Variants in EPDR1 observed in about 807,000 individuals in gnomAD.
The protein encoded by EPDR1 is ependymin related 1, also known as mammalian ependymin-related protein 1.
Under a neutral mutation model 23.7 loss-of-function variants are expected in EPDR1, and 27 were observed. That is an observed-to-expected ratio of 1.14 (90% CI 0.84 to 1.57). The LOEUF is 1.57. Ranked by LOEUF, EPDR1 falls within the 40% of genes most tolerant of loss-of-function variation. The pLI is 0.00. For missense variants in EPDR1, 349 were observed against 290.4 expected (o/e 1.20, Z -1.47); for synonymous variants, 137 against 118.2 (o/e 1.16, Z -1.03).
At chr7:37,940,149 T>C (rs1786141098) in intron 1 of EPDR1, among the ~76,000 whole-genome samples, 1 of 152,144 alleles carries the variant, frequency 6.6e-6, no homozygotes, top group South Asian at 2.1e-4. Flanking sequence ...GAAAGCAAGA[T>C]GCAGAAAGGT....
chr7:37,936,654 T>C (rs1786059571), intron 1 of EPDR1, among the ~76,000 whole-genome samples: 1 of 152,106 alleles, frequency 6.6e-6, no homozygotes, highest in South Asian at 2.1e-4. Context: ...TCAATAGTCT[T>C]CATATATACA....
chr7:37,935,025 A>G (rs1429698331), intron 1 of EPDR1, among the ~76,000 whole-genome samples: 1 of 152,250 alleles, frequency 6.6e-6, no homozygotes. Context: ...TAGCATTTAC[A>G]TTGTATAAAG....
At chr7:37,939,165 G>C (rs1786117893) in intron 1 of EPDR1, among the ~76,000 whole-genome samples, 2 of 151,952 alleles carry the variant, frequency 1.3e-5, no homozygotes, top group African/African-American at 2.4e-5. Flanking sequence ...ATTTTTAGTA[G>C]AGACGGGGTT....
At chr7:37,923,560 C>T (rs150964851) in intron 1 of EPDR1, among the ~76,000 whole-genome samples, 11 of 151,996 alleles carry the variant, frequency 7.2e-5, no homozygotes, top group East Asian at 3.9e-4. Context: ...ACAGTAGTGG[C>T]GCATTGATGA....
intron 1 of EPDR1, among the ~76,000 whole-genome samples, chr7:37,942,941 C>A (rs547864742): frequency 6.6e-6 from 1 of 152,322 alleles, no homozygotes; most frequent in Admixed American, 6.5e-5. Context: ...CAACAAAAAT[C>A]CTTTGTCCCA....
chr7:37,939,670 T>A (rs895040419), intron 1 of EPDR1, among the ~76,000 whole-genome samples: 6 of 152,204 alleles, frequency 3.9e-5, no homozygotes, highest in Non-Finnish European at 8.8e-5. Context: ...TAATACACAT[T>A]TTCCGTGAAC....
chr7:37,947,179 T>C (rs1786293698), intron 1 of EPDR1, among the ~76,000 whole-genome samples: 1 of 152,232 alleles, frequency 6.6e-6, no homozygotes, highest in African/African-American at 2.4e-5. Flanking sequence ...TACCATTTTT[T>C]ATATTTTATC....
chr7:37,929,732 A>C (rs533004956), intron 1 of EPDR1, among the ~76,000 whole-genome samples: 1 of 152,254 alleles, frequency 6.6e-6, no homozygotes, highest in East Asian at 1.9e-4. Flanking sequence ...AGTGTTTTGA[A>C]AAGTTTTCCA....
At chr7:37,947,932 G>C (rs1583672550) in intron 1 of EPDR1, among the ~76,000 whole-genome samples, 1 of 152,236 alleles carries the variant, frequency 6.6e-6, no homozygotes, top group South Asian at 2.1e-4. Context: ...ACTCAGCTAA[G>C]GGAGTCATTT....
Position 37,921,066 on chromosome 7 carries a change from CA to C in EPDR1, c.128del (p.Gln43ArgfsTer43). 6.4e-7 allele frequency: 1 copy of C among 1,560,170 alleles called. No homozygotes were observed. On this transcript the variant is annotated frameshift_variant, in exon 1 of 3. Transcript: ENST00000199448. LOFTEE classifies it high-confidence loss of function. ...LGAVGAPRPC[Q>X]APQQWEGRQV... is the part of the protein sequence containing the mutation. ...GGCGGTGGGAGCCCCGCGCCCGTGC[CA>C]GGCGCCGCAGCAGTGGGAGGGGCGC...
At chr7:37,929,897 T>C (rs943372740) in intron 1 of EPDR1, among the ~76,000 whole-genome samples, 1 of 152,208 alleles carries the variant, frequency 6.6e-6, no homozygotes, top group Non-Finnish European at 1.5e-5. Context: ...TTTCACCCAA[T>C]GTGGGCATTT....
chr7:37,923,590 A>G (rs890629698), intron 1 of EPDR1, among the ~76,000 whole-genome samples: 7 of 152,132 alleles, frequency 4.6e-5, no homozygotes, highest in Non-Finnish European at 1.0e-4. Context: ...TTGAAGATGG[A>G]CTGGGATGGC....
At chr7:37,933,976 CTTTTT>C (rs576903776) in intron 1 of EPDR1, among the ~76,000 whole-genome samples, 1 of 133,370 alleles carries the variant, frequency 7.5e-6, no homozygotes, top group Non-Finnish European at 1.6e-5. Flanking sequence ...TTCTGCCATT[CTTTTT>C]TTTTTTTTTT....
chr7:37,928,376 C>A (rs933898168), intron 1 of EPDR1, among the ~76,000 whole-genome samples: 33 of 148,992 alleles, frequency 2.2e-4, no homozygotes, highest in African/African-American at 8.2e-4. Context: ...TTAACATTTT[C>A]TTTTATTTTA....
intron 1 of EPDR1, among the ~76,000 whole-genome samples, chr7:37,929,870 A>G (rs928730609): frequency 1.3e-5 from 2 of 152,134 alleles, no homozygotes; most frequent in African/African-American, 2.4e-5. Context: ...TTGTGCCTCA[A>G]TTTCAATTTT....
chr7:37,940,829 T>C (rs887238088), intron 1 of EPDR1, among the ~76,000 whole-genome samples: 4 of 152,046 alleles, frequency 2.6e-5, no homozygotes, highest in African/African-American at 9.7e-5. Context: ...TCTGACCACT[T>C]GAAAAGCATT....
At chr7:37,939,711 C>T (rs1464366855) in intron 1 of EPDR1, among the ~76,000 whole-genome samples, 27 of 152,156 alleles carry the variant, frequency 1.8e-4, no homozygotes, top group Non-Finnish European at 7.4e-5. Flanking sequence ...GGATGTTATA[C>T]TTACTAAAAA....
chr7:37,945,225 T>G (rs1298268908), intron 1 of EPDR1, among the ~76,000 whole-genome samples: 1 of 152,222 alleles, frequency 6.6e-6, no homozygotes, highest in Non-Finnish European at 1.5e-5. Flanking sequence ...ACCCAAACTT[T>G]TTCAAAGGGC....
intron 1 of EPDR1, among the ~76,000 whole-genome samples, chr7:37,934,016 A>T (rs553987723): frequency 7.1e-6 from 1 of 140,980 alleles, no homozygotes; most frequent in Non-Finnish European, 1.5e-5. Flanking sequence ...TCGCTCTGTC[A>T]CCTAGGCTGG....
Sources: gnomAD v4.1 joint callset for allele counts (sites outside exome capture counted in the v4.1 genomes callset) on GRCh38, gnomAD v4.1.1 for gene constraint, MANE v1.5 for transcripts, NCBI Gene and HGNC (gene_info 2026-07-23, HGNC 2026-07-21) for gene names.